Variants in SYN3 observed in about 807,000 individuals in gnomAD.
The protein encoded by SYN3 is synapsin III.
Under a neutral mutation model 65.8 loss-of-function variants are expected in SYN3, and 35 were observed. The observed-to-expected ratio is 0.53, with a 90% CI of 0.41 to 0.70. The LOEUF (loss-of-function observed/expected upper bound fraction) is 0.70. Among genes scored for constraint, SYN3 ranks in the 30% least tolerant of loss-of-function variants. The pLI, the probability that SYN3 is intolerant of heterozygous loss-of-function variation, is 0.00. For synonymous variants in SYN3, 270 were observed against 292.9 expected (o/e 0.92, Z 0.80); for missense variants, 680 against 749.0 (o/e 0.91, Z 1.08).
Position 32,976,972 on chromosome 22 carries a change from T to A in SYN3, c.369+3673A>T, listed in dbSNP as rs112051945. Among the ~76,000 whole-genome samples the A allele has an allele frequency of 6.6e-3, 979 of 147,268 alleles. 5 individuals are homozygous for A. The highest frequency in any genetic ancestry group is 0.018 in the Middle Eastern group (5 of 280). ...CCGTCCTGAGACTTTTCCCAAGTGCTAAAGGATGCATGTGAGATTCCTGGG... is the reference window on the plus strand; with the variant it reads ...CCGTCCTGAGACTTTTCCCAAGTGCAAAAGGATGCATGTGAGATTCCTGGG... On this transcript the variant is annotated intron_variant, in intron 3 of 13. Transcript: ENST00000358763.
Position 32,743,153 on chromosome 22 carries a change from C to A in SYN3, c.711+121762G>T, listed in dbSNP as rs181806735. Among the ~76,000 whole-genome samples, 3 of 152,258 alleles carry A rather than the reference C, an allele frequency of 2.0e-5. No homozygotes were observed. The South Asian group carries it at 6.2e-4, about 32-fold the overall frequency. On this transcript the variant is annotated intron_variant, in intron 6 of 13. Coordinates refer to ENST00000358763, the MANE Select transcript of SYN3 (RefSeq NM_003490.4). ...TTTAACACTAGCTATTTCAGTTACC[C>A]CCTGAGTGAGTATAAATGTATGATT...
At chr22:32,534,084 C>G (rs1042664426) in intron 9 of SYN3, among the ~76,000 whole-genome samples, 189 bp from the exon 10 acceptor site, 1 of 152,006 alleles carries the variant, frequency 6.6e-6, no homozygotes, top group African/African-American at 2.4e-5. Context: ...GAGTCCAACA[C>G]GCAGAGACAG....
intron 6 of SYN3, among the ~76,000 whole-genome samples, chr22:32,693,668 T>G (rs1369327547): frequency 7.2e-6 from 1 of 139,776 alleles, no homozygotes; most frequent in African/African-American, 2.7e-5. Flanking sequence ...CTTGGCTCAC[T>G]GCAATTCCAG....
chr22:33,026,655 A>T (rs750724165), intron 1 of SYN3, among the ~76,000 whole-genome samples: 1 of 152,026 alleles, frequency 6.6e-6, no homozygotes, highest in African/African-American at 2.4e-5. Flanking sequence ...TCTGCCTTGA[A>T]TCTCACTCCT....
rs376895368 is a variant in SYN3, at chr22:32,674,347, T to C, written c.712-77611A>G. Among the ~76,000 whole-genome samples, 27 of 152,300 alleles carry C rather than the reference T, an allele frequency of 1.8e-4. No homozygotes were observed. The East Asian group carries it at 2.5e-3, about 14-fold the overall frequency. On this transcript the variant is annotated intron_variant, in intron 6 of 13. Transcript: ENST00000358763. The stretch of plus-strand genomic sequence containing the variant: ...GTTCCAGTGAAGATAGTGGTTCTGA[T>C]AGAAAGACTGGACTCTGGCCTGCAT...
At chr22:32,992,721 G>A (rs1044923338) in intron 2 of SYN3, among the ~76,000 whole-genome samples, 22 of 152,164 alleles carry the variant, frequency 1.4e-4, no homozygotes, top group Admixed American at 1.2e-3. Context: ...GCTGAGACAG[G>A]AGAATTGTTC....
chr22:32,536,582 T>C (rs1180692496), intron 9 of SYN3, among the ~76,000 whole-genome samples: 1 of 152,190 alleles, frequency 6.6e-6, no homozygotes, highest in Non-Finnish European at 1.5e-5. Context: ...CGTTGCAGTG[T>C]CTTGGGCCAT....
At chr22:32,835,729 G>A (rs189777666) in intron 6 of SYN3, among the ~76,000 whole-genome samples, 11 of 152,240 alleles carry the variant, frequency 7.2e-5, no homozygotes, top group African/African-American at 2.4e-4. Flanking sequence ...CAAACCAGGG[G>A]GCTTCAGGTC....
intron 4 of SYN3, among the ~76,000 whole-genome samples, chr22:32,930,384 A>G (rs1261164566): frequency 6.6e-6 from 1 of 152,098 alleles, no homozygotes; most frequent in Admixed American, 6.5e-5. Flanking sequence ...TTCCACCGTG[A>G]TTGTGAGGCC....
At chr22:32,681,539 G>A (rs115077251) in intron 6 of SYN3, among the ~76,000 whole-genome samples, 3,218 of 152,318 alleles carry the variant, frequency 0.021, 134 homozygotes, top group African/African-American at 0.074. Context: ...CAGAGAGGCT[G>A]AGGTTCCTGG....
intron 7 of SYN3, among the ~76,000 whole-genome samples, chr22:32,591,985 T>C (rs1318442256): frequency 6.6e-6 from 1 of 152,206 alleles, no homozygotes; most frequent in African/African-American, 2.4e-5. Flanking sequence ...TTCAAGTAAG[T>C]GTTATTCTAC....
At chr22:33,048,488 C>T (rs959035641) in intron 1 of SYN3, among the ~76,000 whole-genome samples, 17 of 151,992 alleles carry the variant, frequency 1.1e-4, no homozygotes, top group Admixed American at 4.6e-4. Flanking sequence ...GGGGTGGATC[C>T]CTCATGAATG....
At chr22:32,912,151 T>A (rs1022421383) in intron 4 of SYN3, among the ~76,000 whole-genome samples, 1 of 152,208 alleles carries the variant, frequency 6.6e-6, no homozygotes, top group Non-Finnish European at 1.5e-5. Flanking sequence ...ATACATATAG[T>A]TCCTCCACTG....
At chr22:32,931,097 T>C (rs537586134) in intron 4 of SYN3, 73 of 267,468 alleles carry the variant, frequency 2.7e-4, no homozygotes, top group Middle Eastern at 1.3e-3. Context: ...AGATGAGAAG[T>C]AGAGGACAAA....
intron 1 of SYN3, among the ~76,000 whole-genome samples, chr22:33,010,486 A>G (rs1018499005): frequency 1.3e-5 from 2 of 152,142 alleles, no homozygotes; most frequent in Non-Finnish European, 2.9e-5. Flanking sequence ...TTGGCTGTAC[A>G]TGTGTGGGCC....
At chr22:32,886,211 A>G (rs1381390442) in intron 4 of SYN3, among the ~76,000 whole-genome samples, 1 of 152,248 alleles carries the variant, frequency 6.6e-6, no homozygotes, top group Non-Finnish European at 1.5e-5. Flanking sequence ...AAAATCTGCT[A>G]CAAGACTTTA....
intron 6 of SYN3, among the ~76,000 whole-genome samples, chr22:32,624,520 C>T (rs2059638790): frequency 1.3e-5 from 2 of 152,200 alleles, no homozygotes; most frequent in South Asian, 4.1e-4. Context: ...CCCTGGGCCA[C>T]CTCTCCATAA....
chr22:32,589,678 G>A (rs2059101450), intron 7 of SYN3, among the ~76,000 whole-genome samples: 1 of 152,152 alleles, frequency 6.6e-6, no homozygotes, highest in Non-Finnish European at 1.5e-5. Flanking sequence ...AACACTGATT[G>A]GGTCCCAACT....
chr22:32,606,812 A>AT (rs112524264), intron 6 of SYN3, among the ~76,000 whole-genome samples: 41,200 of 150,604 alleles, frequency 0.27, 6,321 homozygotes, highest in African/African-American at 0.4. Context: ...TTTATTTTTT[A>AT]TTTTTTTAAT....
Sources: allele counts gnomAD v4.1 joint callset (sites outside exome capture counted in the v4.1 genomes callset), GRCh38; gene constraint gnomAD v4.1.1; transcripts MANE v1.5; gene names NCBI Gene and HGNC (gene_info 2026-07-23, HGNC 2026-07-21).